CFHR5: variants seen among roughly 807,000 people sequenced by gnomAD.
CFHR5 encodes complement factor H related 5.
In CFHR5, 73 loss-of-function variants were observed where a neutral mutation model predicts 62.9. The ratio of observed to expected loss-of-function variants is 1.16; its 90% CI spans 0.96 to 1.41. The LOEUF is 1.41. CFHR5 is among the 40% of genes most tolerant of loss of function. The pLI is 0.00. For synonymous variants in CFHR5, 249 were observed against 227.2 expected (o/e 1.10, Z -0.86); for missense variants, 779 against 679.9 (o/e 1.15, Z -1.62).
At chr1:197,005,052 A>C (rs569093594) in intron 9 of CFHR5, among the ~76,000 whole-genome samples, 17 of 152,158 alleles carry the variant, frequency 1.1e-4, no homozygotes, top group Non-Finnish European at 2.4e-4. Flanking sequence ...AATTTTAAAG[A>C]CCTACATGTG....
chr1:196,982,947 C>G lies in CFHR5; in HGVS notation c.121C>G (p.Pro41Ala), dbSNP rs775126272. The change falls in exon 2 of 10, where the codon CCT becomes GCT. Residue 41 changes from proline (P) to alanine (A), a missense_variant. Transcript: ENST00000256785. ...GFLYDEEDYNPFSQVPTGEVF... is the reference protein window; with the variant it reads ...GFLYDEEDYNAFSQVPTGEVF... ...TCTGTATGATGAAGAAGATTATAAC[C>G]CTTTTTCCCAAGTTCCTACAGGGGA... 1 of 1,613,994 alleles carries G rather than the reference C, an allele frequency of 6.2e-7. No homozygotes were observed. Among genetic ancestry groups the G allele is most frequent in the Non-Finnish European group, 8.5e-7 (1 of 1,179,988 alleles).
intron 7 of CFHR5, among the ~76,000 whole-genome samples, chr1:197,000,804 C>T (rs1030552113): frequency 1.3e-5 from 2 of 152,102 alleles, no homozygotes; most frequent in Admixed American, 1.3e-4. Context: ...AACAGAAATT[C>T]ATAAACAACA....
intron 8 of CFHR5, 81 bp from the exon 9 acceptor site, chr1:197,004,580 A>G (rs1473189116): frequency 9.9e-6 from 11 of 1,106,038 alleles, no homozygotes; most frequent in Non-Finnish European, 1.5e-5. Context: ...ACCTTATATT[A>G]AAGATATGAT....
At chr1:196,993,909 G>A (rs1248979719) in intron 3 of CFHR5, among the ~76,000 whole-genome samples, 171 bp from the exon 4 acceptor site, 1 of 151,968 alleles carries the variant, frequency 6.6e-6, no homozygotes, top group Admixed American at 6.6e-5. Flanking sequence ...TGCCTGAGGG[G>A]TCTTAGATAT....
chr1:196,999,756 T>C (rs1654093855), intron 7 of CFHR5, among the ~76,000 whole-genome samples: 1 of 142,386 alleles, frequency 7.0e-6, no homozygotes, highest in Non-Finnish European at 1.5e-5. Context: ...CACACATATG[T>C]ATATACACAC....
chr1:196,989,336 AT>A (rs1332654028), intron 3 of CFHR5, among the ~76,000 whole-genome samples: 1 of 151,786 alleles, frequency 6.6e-6, no homozygotes, highest in Non-Finnish European at 1.5e-5. Context: ...GGATTCATTG[AT>A]TTTCTGAAGG....
intron 3 of CFHR5, among the ~76,000 whole-genome samples, chr1:196,989,103 T>A (rs1032254874): frequency 2.6e-5 from 4 of 152,168 alleles, no homozygotes; most frequent in Non-Finnish European, 5.9e-5. Context: ...CTTGGGAGGA[T>A]GTATGTGTCG....
chr1:197,001,836 T>C (rs989529835), intron 7 of CFHR5, among the ~76,000 whole-genome samples: 2 of 151,758 alleles, frequency 1.3e-5, no homozygotes, highest in East Asian at 3.9e-4. Flanking sequence ...AAACATGAGA[T>C]GAAGGAGATC....
intron 1 of CFHR5, 131 bp from the exon 2 acceptor site, chr1:196,982,754 A>T: frequency 1.3e-6 from 1 of 773,592 alleles, no homozygotes; most frequent in Non-Finnish European, 2.2e-6. Context: ...AGTACACTGG[A>T]AAGCATTTAA....
chr1:196,977,380 C>T (rs1307597392), upstream of CFHR5, among the ~76,000 whole-genome samples: 1 of 151,614 alleles, frequency 6.6e-6, no homozygotes, highest in Non-Finnish European at 1.5e-5. Flanking sequence ...AACTCAGAGA[C>T]TCGGTGACTA....
upstream of CFHR5, chr1:196,977,473 T>C (rs911230161): frequency 4.6e-6 from 3 of 654,238 alleles, no homozygotes; most frequent in African/African-American, 3.6e-5. Context: ...AGACACTGAT[T>C]AGATACTATT....
rs144682444 is a variant in CFHR5, at chr1:196,994,159, G to A, written c.510G>A (p.Val170=). Residue 170 remains valine (V), a synonymous_variant, in exon 4 of 10, where the codon GTG becomes GTA. Transcript: ENST00000256785. ...AAGAAAGCTACAAAGTTGGAGACGT[G>A]TTGAAATTCTCCTGCAGAAAAAATC... The part of the protein sequence containing the change: ...PKKESYKVGD[V]LKFSCRKNLI... 35 of 1,613,330 alleles carry A rather than the reference G, an allele frequency of 2.2e-5. No homozygotes were observed. The highest frequency in any genetic ancestry group is 3.0e-5 in the Non-Finnish European group (35 of 1,179,600).
At chr1:196,991,008 A>G (rs946878077) in intron 3 of CFHR5, among the ~76,000 whole-genome samples, 4 of 151,762 alleles carry the variant, frequency 2.6e-5, no homozygotes, top group Admixed American at 1.3e-4. Context: ...ACAGCAATCA[A>G]ACGTAGATTT....
intron 3 of CFHR5, among the ~76,000 whole-genome samples, chr1:196,987,308 C>G (rs150967637): frequency 0.028 from 4,241 of 151,942 alleles, 191 homozygotes; most frequent in African/African-American, 0.093. Flanking sequence ...CCATTCTGTA[C>G]GTTGCCTGTT....
chr1:196,983,835 CA>C, intron 2 of CFHR5, 125 bp from the exon 3 acceptor site: 1 of 637,490 alleles, frequency 1.6e-6, no homozygotes, highest in Non-Finnish European at 2.7e-6. Context: ...TAGCATGACC[CA>C]AATTCTTTTG....
chr1:197,001,696 TC>T (rs1041117511), intron 7 of CFHR5, among the ~76,000 whole-genome samples: 2 of 99,776 alleles, frequency 2.0e-5, no homozygotes, highest in Non-Finnish European at 4.0e-5. Context: ...ATGCTATCCC[TC>T]CCCCCTCCCC....
chr1:197,003,614 T>C (rs933080040), intron 8 of CFHR5, among the ~76,000 whole-genome samples: 2 of 152,166 alleles, frequency 1.3e-5, no homozygotes, highest in African/African-American at 4.8e-5. Context: ...AACAATCTAT[T>C]TATCTAAATA....
At chr1:197,008,345 C>A in intron 9 of CFHR5, 142 bp from the exon 10 acceptor site, 1 of 352,272 alleles carries the variant, frequency 2.8e-6, no homozygotes, top group Non-Finnish European at 4.6e-6. Flanking sequence ...AAGAATAACT[C>A]AATAAATATT....
At chr1:196,984,276 C>A in intron 3 of CFHR5, 139 bp downstream of exon 3, 1 of 752,300 alleles carries the variant, frequency 1.3e-6, no homozygotes, top group South Asian at 1.7e-5. Context: ...CCAATTGTGT[C>A]TAAGTAGATG....
Sources: allele counts gnomAD v4.1 joint callset (sites outside exome capture counted in the v4.1 genomes callset), GRCh38; gene constraint gnomAD v4.1.1; transcripts MANE v1.5; gene names NCBI Gene and HGNC (gene_info 2026-07-23, HGNC 2026-07-21).